The following CTCF variants were observed in gnomAD, a reference collection of about 807,000 sequenced individuals.
CTCF encodes CCCTC-binding factor.
CTCF carries 7 observed loss-of-function variants against 72.3 expected under a neutral mutation model. The ratio of observed to expected loss-of-function variants is 0.10; its 90% CI spans 0.06 to 0.18. CTCF has a LOEUF of 0.18. CTCF is among the 10% of genes least tolerant of loss of function. The pLI is 1.00. For synonymous variants in CTCF, 374 were observed against 315.8 expected (o/e 1.18, Z -1.95); for missense variants, 516 against 949.1 (o/e 0.54, Z 6.00).
At chr16:67,630,473 G>A (rs1195228413) in intron 10 of CTCF, among the ~76,000 whole-genome samples, 5 of 151,858 alleles carry the variant, frequency 3.3e-5, no homozygotes, top group African/African-American at 4.8e-5. Flanking sequence ...GCCAAGCCTC[G>A]GTCGGGCACA....
chr16:67,637,622 A>G (rs111743037), intron 11 of CTCF, 66 bp from the exon 12 acceptor site: 29,428 of 1,426,140 alleles, frequency 0.021, 382 homozygotes, highest in Non-Finnish European at 0.025. Flanking sequence ...CTGTCAGTCT[A>G]AAAGACCCTT....
At chr16:67,610,350 CTTT>C (rs1158978403) in intron 2 of CTCF, among the ~76,000 whole-genome samples, 2 of 121,382 alleles carry the variant, frequency 1.6e-5, no homozygotes, top group Non-Finnish European at 3.5e-5. Context: ...TTTTCTTTTT[CTTT>C]TTTTTTTTTT....
intron 8 of CTCF, among the ~76,000 whole-genome samples, chr16:67,628,094 CA>C (rs959228621): frequency 2.8e-5 from 4 of 141,440 alleles, no homozygotes; most frequent in East Asian, 2.0e-4. Flanking sequence ...GACTCCGTCT[CA>C]AAAAAAAAAC....
intron 1 of CTCF, among the ~76,000 whole-genome samples, chr16:67,566,914 T>G (rs1462463220): frequency 3.3e-5 from 5 of 149,764 alleles, no homozygotes; most frequent in South Asian, 2.1e-4. Flanking sequence ...CTTTCTCTTT[T>G]ACCCAGGCTG....
At chr16:67,633,004 C>T (rs1013985235) in intron 10 of CTCF, among the ~76,000 whole-genome samples, 3 of 152,290 alleles carry the variant, frequency 2.0e-5, no homozygotes, top group Non-Finnish European at 2.9e-5. Context: ...CAGATGTGGG[C>T]GCCAGAACAG....
rs369939556 is a variant in CTCF, at chr16:67,611,237, G to A, written c.405G>A (p.Gln135=). ...PVATTSVEEL[Q]GAYENEVSKE... ...CTACCACTTCAGTAGAAGAACTTCA[G>A]GGGGCTTATGAAAATGAAGTGTCTA... Residue 135 remains glutamine, a synonymous_variant, in exon 3 of 12, where the codon CAG becomes CAA. Transcript: ENST00000264010. 17 of 1,614,008 alleles carry A rather than the reference G, an allele frequency of 1.1e-5. No individual in the cohort carries two copies. Among genetic ancestry groups the A allele is most frequent in the African/African-American group, 1.3e-5 (1 of 74,906 alleles).
chr16:67,577,357 CA>C (rs72483780), intron 2 of CTCF, among the ~76,000 whole-genome samples: 5,186 of 61,400 alleles, frequency 0.084, 267 homozygotes, highest in African/African-American at 0.25. Context: ...GGCTCTGTCT[CA>C]AAAAAAAAAA....
chr16:67,581,881 G>A (rs947410028), intron 2 of CTCF, among the ~76,000 whole-genome samples: 3 of 152,106 alleles, frequency 2.0e-5, no homozygotes, highest in Non-Finnish European at 4.4e-5. Context: ...CTCAGCGTCC[G>A]AAAGTGCTGG....
intron 6 of CTCF, chr16:67,621,079 C>T: frequency 2.7e-6 from 1 of 370,932 alleles, no homozygotes; most frequent in Non-Finnish European, 4.8e-6. Flanking sequence ...TTAAAATGGA[C>T]AGATTTTAAT....
chr16:67,624,433 T>C (rs558552561), intron 7 of CTCF, among the ~76,000 whole-genome samples: 1 of 152,216 alleles, frequency 6.6e-6, no homozygotes, highest in South Asian at 2.1e-4. Flanking sequence ...GTTAGCAGTG[T>C]TCTTCATCGT....
chr16:67,586,461 G>A lies in CTCF; in HGVS notation c.-10+15197G>A, dbSNP rs147668697. Among the ~76,000 whole-genome samples, 505 of 151,590 alleles carry A rather than the reference G, an allele frequency of 3.3e-3. 2 individuals are homozygous for A. Among genetic ancestry groups the A allele is most frequent in the African/African-American group, 0.012 (481 of 41,398 alleles). On this transcript the variant is annotated intron_variant, in intron 2 of 11. Transcript: ENST00000264010. Reference sequence around the variant, plus strand: ...CTGAGGCAGAGAATTGCTTGAACCCGGGAGGCAGAGGTTGCAGTGAGCCGA... The same window carrying A: ...CTGAGGCAGAGAATTGCTTGAACCCAGGAGGCAGAGGTTGCAGTGAGCCGA...
At chr16:67,596,856 G>A (rs916686943) in intron 2 of CTCF, among the ~76,000 whole-genome samples, 3 of 151,942 alleles carry the variant, frequency 2.0e-5, no homozygotes, top group African/African-American at 7.2e-5. Flanking sequence ...CAAAGTGCTG[G>A]GATTACAGGT....
At chr16:67,563,062 C>T (rs1044650065) in intron 1 of CTCF, among the ~76,000 whole-genome samples, 1 of 151,476 alleles carries the variant, frequency 6.6e-6, no homozygotes, top group Non-Finnish European at 1.5e-5. Context: ...CTTGGCCGGC[C>T]GATCGCCCGG....
chr16:67,600,536 A>T (rs1567603543), intron 2 of CTCF, among the ~76,000 whole-genome samples: 1 of 152,004 alleles, frequency 6.6e-6, no homozygotes, highest in South Asian at 2.1e-4. Context: ...AGCCTGGCTA[A>T]TGTGTGTTTT....
intron 4 of CTCF, among the ~76,000 whole-genome samples, chr16:67,613,512 C>G (rs973063909): frequency 4.0e-4 from 61 of 152,156 alleles, no homozygotes; most frequent in Non-Finnish European, 1.6e-4. Context: ...ATAAAAGTAA[C>G]TGGGTAATCC....
Position 67,612,119 on chromosome 16 carries a change from C to T in CTCF, c.950C>T (p.Thr317Ile), listed in dbSNP as rs2142829363. 1 of 1,611,138 alleles carries T rather than the reference C, an allele frequency of 6.2e-7. No homozygotes were observed. Among genetic ancestry groups the T allele is most frequent in the Non-Finnish European group, 8.5e-7 (1 of 1,178,488 alleles). The change falls in exon 4 of 12, where the codon ACA (threonine) becomes ATA (isoleucine). Residue 317 changes from threonine (T) to isoleucine (I), a missense_variant and splice_region_variant. Around this residue, in one of 7 missense-constraint regions of CTCF, gnomAD observed 70 missense variants for 290.1 expected, o/e 0.24. Transcript: ENST00000264010. The part of the protein sequence containing the change: ...TLLRNHLNTH[T>I]GTRPHKCPDC... ...CTGAGGAATCACCTTAACACACACA[C>T]AGGTGCTGGATAAGAATGTTGGGGG...
chr16:67,633,482 G>A (rs984787286), intron 10 of CTCF, among the ~76,000 whole-genome samples: 1 of 152,118 alleles, frequency 6.6e-6, no homozygotes, highest in African/African-American at 2.4e-5. Flanking sequence ...AGAGCAAGAG[G>A]GTTGGAAATG....
intron 2 of CTCF, among the ~76,000 whole-genome samples, chr16:67,592,221 G>A (rs2051754294): frequency 6.6e-6 from 1 of 152,034 alleles, no homozygotes; most frequent in African/African-American, 2.4e-5. Flanking sequence ...AGACCAGCCT[G>A]GCCAACATAG....
chr16:67,588,222 C>T (rs751602819), intron 2 of CTCF, among the ~76,000 whole-genome samples: 2 of 152,134 alleles, frequency 1.3e-5, no homozygotes, highest in African/African-American at 2.4e-5. Flanking sequence ...CAGCATCTGT[C>T]CAAAATTCAT....
Sources: gnomAD v4.1 joint callset for allele counts (sites outside exome capture counted in the v4.1 genomes callset) on GRCh38, gnomAD v4.1.1 for gene constraint, gnomAD v4.1.1 regional missense constraint, MANE v1.5 for transcripts, NCBI Gene and HGNC (gene_info 2026-07-23, HGNC 2026-07-21) for gene names.